Variants in THSD7B observed in about 807,000 individuals in gnomAD.
THSD7B encodes thrombospondin type-1 domain-containing protein 7B.
In THSD7B, 138 loss-of-function variants were observed where a neutral mutation model predicts 213.6. The ratio of observed to expected loss-of-function variants is 0.65; its 90% CI spans 0.56 to 0.74. The LOEUF (loss-of-function observed/expected upper bound fraction) is 0.74. Among genes scored for constraint, THSD7B ranks in the 30% least tolerant of loss-of-function variants. The pLI, the probability that THSD7B is intolerant of heterozygous loss-of-function variation, is 0.00. For synonymous variants in THSD7B, 742 were observed against 687.0 expected (o/e 1.08, Z -1.25); for missense variants, 1,931 against 1,991.5 (o/e 0.97, Z 0.58).
chr2:137,470,075 T>C (rs971759783), intron 15 of THSD7B, among the ~76,000 whole-genome samples: 1 of 152,214 alleles, frequency 6.6e-6, no homozygotes, highest in Non-Finnish European at 1.5e-5. Flanking sequence ...GAAGGAGTTA[T>C]GGAAAAGCTA....
At chr2:136,962,617 A>G (rs573337155) in intron 2 of THSD7B, among the ~76,000 whole-genome samples, 68 of 152,112 alleles carry the variant, frequency 4.5e-4, no homozygotes, top group African/African-American at 1.6e-3. Flanking sequence ...ACAGTCTCTG[A>G]GGGCAGGTGG....
intron 15 of THSD7B, among the ~76,000 whole-genome samples, chr2:137,512,450 G>C (rs1056539711): frequency 1.6e-5 from 2 of 128,244 alleles, no homozygotes; most frequent in African/African-American, 6.2e-5. Context: ...GGAGAGCAAT[G>C]GCATAATCAC....
chr2:136,905,893 T>G (rs1365798698), intron 2 of THSD7B, among the ~76,000 whole-genome samples: 1 of 152,198 alleles, frequency 6.6e-6, no homozygotes, highest in Non-Finnish European at 1.5e-5. Context: ...GAGGGAGGCA[T>G]GCATGTGCCT....
rs146562342 is a variant in THSD7B at position 137,193,711 on chromosome 2, A to C, written c.1723+22773A>C. 4.5e-3 allele frequency among the ~76,000 whole-genome samples: 691 copies of C among 152,038 alleles called. 5 individuals are homozygous for C. The highest frequency in any genetic ancestry group is 0.014 in the African/African-American group (567 of 41,466). On this transcript the variant is annotated intron_variant, in intron 7 of 27. Transcript: ENST00000409968. ...TCTGTATGGGAGCAGTTCCCTATAA[A>C]ATCAAGAATTTGTTGTTTCAAGGAC...
At chr2:137,048,471 G>A (rs1687008274) in intron 2 of THSD7B, among the ~76,000 whole-genome samples, 1 of 152,142 alleles carries the variant, frequency 6.6e-6, no homozygotes, top group South Asian at 2.1e-4. Flanking sequence ...TATGGGTTCA[G>A]GTACAAATAT....
intron 2 of THSD7B, among the ~76,000 whole-genome samples, chr2:137,016,907 C>G (rs1024403127): frequency 1.3e-5 from 2 of 152,108 alleles, no homozygotes; most frequent in African/African-American, 4.8e-5. Flanking sequence ...ACCCCAAATC[C>G]TTGGGGTCAG....
intron 2 of THSD7B, among the ~76,000 whole-genome samples, chr2:137,004,386 A>G (rs923755604): frequency 1.3e-5 from 2 of 151,776 alleles, no homozygotes; most frequent in Admixed American, 6.6e-5. Flanking sequence ...TTATGTGACT[A>G]CAGCTATTCT....
chr2:137,059,089 C>G (rs1319609750), intron 3 of THSD7B, among the ~76,000 whole-genome samples: 2 of 152,038 alleles, frequency 1.3e-5, no homozygotes, highest in African/African-American at 4.8e-5. Context: ...CAAGGTGTGT[C>G]TTGATTTAGT....
chr2:137,088,727 A>G (rs1038838967), intron 3 of THSD7B, among the ~76,000 whole-genome samples: 2 of 152,160 alleles, frequency 1.3e-5, no homozygotes, highest in Non-Finnish European at 2.9e-5. Context: ...CACAATCTAT[A>G]CATGTGACAA....
intron 10 of THSD7B, among the ~76,000 whole-genome samples, chr2:137,264,707 G>A (rs1682540185): frequency 6.6e-6 from 1 of 151,542 alleles, no homozygotes; most frequent in African/African-American, 2.4e-5. Context: ...AGTAGCTATG[G>A]TTATTTTGAG....
chr2:137,503,116 A>G (rs1048490867), intron 15 of THSD7B, among the ~76,000 whole-genome samples: 1 of 152,192 alleles, frequency 6.6e-6, no homozygotes, highest in Non-Finnish European at 1.5e-5. Context: ...TGGACTATAT[A>G]TTATAATCTG....
intron 14 of THSD7B, among the ~76,000 whole-genome samples, chr2:137,432,011 A>G (rs1029556662): frequency 1.3e-5 from 2 of 152,182 alleles, no homozygotes; most frequent in Admixed American, 1.3e-4. Context: ...CTACTCTCAA[A>G]TTGGAAAGAT....
intron 7 of THSD7B, among the ~76,000 whole-genome samples, chr2:137,188,239 A>G (rs1680588033): frequency 6.6e-6 from 1 of 152,184 alleles, no homozygotes; most frequent in African/African-American, 2.4e-5. Flanking sequence ...TGCTGAGACC[A>G]GAATCCAATC....
chr2:136,824,133 G>A (rs1573655321), intron 1 of THSD7B, among the ~76,000 whole-genome samples: 1 of 152,246 alleles, frequency 6.6e-6, no homozygotes, highest in East Asian at 1.9e-4. Flanking sequence ...TACAAAGGCA[G>A]TACATAGTGT....
intron 2 of THSD7B, among the ~76,000 whole-genome samples, chr2:136,926,944 A>G (rs1684542993): frequency 6.6e-6 from 1 of 152,144 alleles, no homozygotes; most frequent in Non-Finnish European, 1.5e-5. Flanking sequence ...CTCATCTCCA[A>G]TTTCTGAATT....
rs530743516 is a variant in THSD7B, at chr2:137,146,051, TACAACTTAAG to T, written c.1370-14154_1370-14145del. On this transcript the variant is annotated intron_variant, in intron 5 of 27. Transcript: ENST00000409968. ...TGTATATGTGAAAAATTTAGGCATA[TACAACTTAAG>T]ACAACTTTTTATAACATGTCTGCTA... is the stretch of plus-strand genomic sequence containing the variant. Among the ~76,000 whole-genome samples the T allele has an allele frequency of 3.5e-4, 53 of 152,212 alleles. 1 individual carries two copies. In the South Asian group the frequency reaches 0.011, roughly 32 times the overall value.
chr2:137,054,551 A>G (rs1056036482), intron 2 of THSD7B, among the ~76,000 whole-genome samples: 1 of 152,218 alleles, frequency 6.6e-6, no homozygotes, highest in Non-Finnish European at 1.5e-5. Flanking sequence ...TCCTAAATGC[A>G]TGTGATTACG....
intron 1 of THSD7B, among the ~76,000 whole-genome samples, chr2:136,788,549 G>T (rs899751477): frequency 1.3e-5 from 2 of 152,066 alleles, no homozygotes; most frequent in African/African-American, 4.8e-5. Flanking sequence ...TTTTATATTT[G>T]ATTTTTTTTC....
chr2:136,922,479 T>C (rs1684452094), intron 2 of THSD7B, among the ~76,000 whole-genome samples: 1 of 152,210 alleles, frequency 6.6e-6, no homozygotes, highest in Non-Finnish European at 1.5e-5. Context: ...CTAACCATGA[T>C]GTAATTTCCA....
Sources: allele counts gnomAD v4.1 joint callset (sites outside exome capture counted in the v4.1 genomes callset), GRCh38; gene constraint gnomAD v4.1.1; transcripts MANE v1.5; gene names NCBI Gene and HGNC (gene_info 2026-07-23, HGNC 2026-07-21).